The following RFC3 variants were observed in gnomAD, a reference collection of about 807,000 sequenced individuals.
RFC3 encodes the protein replication factor C subunit 3.
RFC3 carries 41 observed loss-of-function variants against 45.1 expected under a neutral mutation model. The observed-to-expected ratio is 0.91, with a 90% confidence interval of 0.71 to 1.18. RFC3 has a LOEUF of 1.18. RFC3 is among the 50% of genes most tolerant of loss of function. The pLI is 0.00. For synonymous variants in RFC3, 149 were observed against 144.0 expected, an observed-to-expected ratio of 1.03 and a Z score of -0.25; for missense variants, 423 against 428.1, an observed-to-expected ratio of 0.99 and a Z score of 0.10.
intron 8 of RFC3, among the ~76,000 whole-genome samples, chr13:33,965,824 C>A (rs755619182): frequency 6.6e-6 from 1 of 152,172 alleles, no homozygotes; most frequent in Non-Finnish European, 1.5e-5. Context: ...CTGGACAGGG[C>A]TTTGCAGGTG....
chr13:33,925,046 CAT>C (rs148300892), intron 8 of RFC3, among the ~76,000 whole-genome samples: 4,927 of 148,230 alleles, frequency 0.033, 321 homozygotes, highest in African/African-American at 0.11. Context: ...ATATAGTGTA[CAT>C]ATATATATAC....
chr13:33,919,050 T>TAG (rs57390471), intron 8 of RFC3, among the ~76,000 whole-genome samples: 136,210 of 151,904 alleles, frequency 0.9, 61,161 homozygotes, highest in Admixed American at 0.92. Context: ...CTTTATTCTA[T>TAG]AGAGTAATTG....
At chr13:33,902,184 T>A (rs1289613372) in intron 8 of RFC3, among the ~76,000 whole-genome samples, 11 of 152,008 alleles carry the variant, frequency 7.2e-5, no homozygotes, top group Admixed American at 7.2e-4. Flanking sequence ...TGGAATATGG[T>A]GAGATTCATA....
chr13:33,949,564 T>TG (rs1263510928), intron 8 of RFC3, among the ~76,000 whole-genome samples: 10 of 152,230 alleles, frequency 6.6e-5, no homozygotes, highest in Non-Finnish European at 1.5e-4. Context: ...AACATTTGGC[T>TG]GAGTGCTTTT....
At chr13:33,901,365 A>T (rs1486448286) in intron 8 of RFC3, among the ~76,000 whole-genome samples, 5 of 152,132 alleles carry the variant, frequency 3.3e-5, no homozygotes, top group African/African-American at 1.2e-4. Flanking sequence ...GCCATAAAAA[A>T]ATAAAATCTT....
chr13:33,891,129 T>C (rs1011504060), intron 8 of RFC3, among the ~76,000 whole-genome samples: 4 of 152,168 alleles, frequency 2.6e-5, no homozygotes, highest in Non-Finnish European at 5.9e-5. Flanking sequence ...TTAGTGGTTG[T>C]AAAAAATAAG....
chr13:33,946,988 C>A (rs1248371246), intron 8 of RFC3, among the ~76,000 whole-genome samples: 1 of 152,200 alleles, frequency 6.6e-6, no homozygotes, highest in Non-Finnish European at 1.5e-5. Flanking sequence ...TCAAGATATG[C>A]ATATCTGCTA....
chr13:33,912,483 T>C (rs567031884), intron 8 of RFC3, among the ~76,000 whole-genome samples: 41 of 152,226 alleles, frequency 2.7e-4, no homozygotes, highest in Non-Finnish European at 5.3e-4. Context: ...TAGAAGTTAC[T>C]GAGCTGGAAA....
chr13:33,840,932 G>A (rs963232200), downstream of RFC3, among the ~76,000 whole-genome samples: 1 of 152,136 alleles, frequency 6.6e-6, no homozygotes, highest in Non-Finnish European at 1.5e-5. Context: ...GCCATTCACA[G>A]CCAAGAGAAA....
chr13:33,925,375 TATAGTGTACTATATACATAC>T (rs1566030747), intron 8 of RFC3, among the ~76,000 whole-genome samples: 2,138 of 121,138 alleles, frequency 0.018, 195 homozygotes, highest in African/African-American at 0.069. Context: ...TATACATACA[TATAGTGTACTATATACATAC>T]ATAGTGTACT....
chr13:33,966,210 C>G, exon 9 of RFC3: 2 of 981,692 alleles, frequency 2.0e-6, no homozygotes, highest in South Asian at 1.3e-5. Context: ...CCACTTTGCT[C>G]TGAATGTCCT....
At chr13:33,928,951 A>AT (rs2082834514) in intron 8 of RFC3, among the ~76,000 whole-genome samples, 1 of 152,024 alleles carries the variant, frequency 6.6e-6, no homozygotes, top group African/African-American at 2.4e-5. Flanking sequence ...ATTTAAAACA[A>AT]TTTTTTTCTA....
At chr13:33,920,319 G>T (rs779566117) in intron 8 of RFC3, among the ~76,000 whole-genome samples, 7 of 151,098 alleles carry the variant, frequency 4.6e-5, no homozygotes, top group South Asian at 2.1e-4. Context: ...CAAATATCCT[G>T]TTGATTGGAT....
chr13:33,925,184 A>T (rs1179408365), intron 8 of RFC3, among the ~76,000 whole-genome samples: 1 of 141,906 alleles, frequency 7.0e-6, no homozygotes, highest in Non-Finnish European at 1.5e-5. Flanking sequence ...ATACATACAC[A>T]TATAGTGTAC....
intron 8 of RFC3, among the ~76,000 whole-genome samples, chr13:33,897,669 A>G (rs2082609656): frequency 6.6e-6 from 1 of 152,094 alleles, no homozygotes; most frequent in Admixed American, 6.6e-5. Flanking sequence ...TGCCTTCAAA[A>G]AAGTCACTTC....
chr13:33,857,193 A>G (rs897167778), intron 8 of RFC3, among the ~76,000 whole-genome samples: 1 of 152,212 alleles, frequency 6.6e-6, no homozygotes, highest in African/African-American at 2.4e-5. Context: ...GCATCTCTTT[A>G]TAGATGTTTG....
At position 33,902,235 on chromosome 13, in the gene RFC3, C is replaced by T. The variant is rs567879682; in HGVS notation, c.880-63852C>T. On this transcript the variant is annotated intron_variant, in intron 8 of 8. Transcript: ENST00000434425. The stretch of plus-strand genomic sequence containing the variant: ...AGTCTTCTTGTTTGTTCAAGCATAA[C>T]GCTGACCCTATCTGAAGCCAGTGTG... Among the ~76,000 whole-genome samples, 18 of 152,166 alleles carry T rather than the reference C, an allele frequency of 1.2e-4. No homozygotes were observed. In the South Asian group the frequency reaches 3.3e-3, roughly 28 times the overall value.
At chr13:33,834,298 G>GTGTATATATATATA (rs1302839326) in intron 7 of RFC3, among the ~76,000 whole-genome samples, 12 of 109,198 alleles carry the variant, frequency 1.1e-4, no homozygotes, top group African/African-American at 4.1e-4. Context: ...TGTACTGTGT[G>GTGTATATATATATA]TATATATATA....
At chr13:33,950,063 C>T (rs1178413768) in intron 8 of RFC3, among the ~76,000 whole-genome samples, 1 of 103,408 alleles carries the variant, frequency 9.7e-6, no homozygotes, top group Non-Finnish European at 1.9e-5. Context: ...CTCTCTCTCT[C>T]TCTCGCTCTA....
Sources: allele counts gnomAD v4.1 joint callset (sites outside exome capture counted in the v4.1 genomes callset), GRCh38; gene constraint gnomAD v4.1.1; transcripts MANE v1.5; gene names NCBI Gene and HGNC (gene_info 2026-07-23, HGNC 2026-07-21).